Variants in ASMTL observed in about 807,000 individuals in gnomAD.
ASMTL encodes acetylserotonin O-methyltransferase like.
ASMTL carries 57 observed loss-of-function variants against 60.3 expected under a neutral mutation model. The ratio of observed to expected loss-of-function variants is 0.95; its 90% CI spans 0.76 to 1.18. ASMTL has a LOEUF of 1.18. Ranked by LOEUF, ASMTL falls within the 50% of genes most tolerant of loss-of-function variation. ASMTL has a pLI of 0.00. For missense variants in ASMTL, 981 were observed against 852.6 expected (o/e 1.15, Z -1.88); for synonymous variants, 419 against 373.0 (o/e 1.12, Z -1.42).
At chrX:1,406,021 G>C (rs1248131838) in intron 12 of ASMTL, among the ~76,000 whole-genome samples, 1 of 150,320 alleles carries the variant, frequency 6.7e-6, no homozygotes, top group Non-Finnish European at 1.5e-5. Context: ...TGATGGATGG[G>C]TGAATAGATG....
chrX:1,435,433 A>G (rs1169834433), intron 4 of ASMTL: 1 of 609,718 alleles, frequency 1.6e-6, no homozygotes, highest in Admixed American at 2.9e-5. Flanking sequence ...AGGACAGGAC[A>G]CTGCCAACTT....
chrX:1,435,268 G>T, intron 4 of ASMTL, 185 bp from the exon 5 acceptor site: 1 of 692,354 alleles, frequency 1.4e-6, no homozygotes, highest in Non-Finnish European at 2.6e-6. Flanking sequence ...CGAGGGAAGG[G>T]GTCACAAATC....
intron 9 of ASMTL, among the ~76,000 whole-genome samples, chrX:1,420,185 CTG>C (rs1232872746): frequency 3.3e-5 from 5 of 151,852 alleles, no homozygotes; most frequent in African/African-American, 1.2e-4. Flanking sequence ...CCGCCTCCCT[CTG>C]TCTCTCAAGT....
In ASMTL at chrX:1,425,740, T is replaced by C. The variant is rs752962577; in HGVS notation, c.898-53A>G. ...ATTAAGTCCCTTGTCCAGTACTTTCTACTCCCACAGACTCAAAAGATGGAG... is the reference window on the plus strand; with the variant it reads ...ATTAAGTCCCTTGTCCAGTACTTTCCACTCCCACAGACTCAAAAGATGGAG... On this transcript the variant is annotated intron_variant, in intron 7 of 12. Transcript: ENST00000381317. 2.9e-5 allele frequency: 45 copies of C among 1,573,758 alleles called. 1 individual carries two copies. In the Admixed American group the frequency reaches 5.2e-4, roughly 18 times the overall value.
At chrX:1,411,420 C>T (rs28517674) in intron 12 of ASMTL, among the ~76,000 whole-genome samples, 116,110 of 152,108 alleles carry the variant, frequency 0.76, 44,613 homozygotes, top group African/African-American at 0.79. Context: ...CAGATTCCCT[C>T]AGGGCCAGCT....
At chrX:1,425,123 C>T (rs1603451094) in intron 8 of ASMTL, among the ~76,000 whole-genome samples, 1 of 152,090 alleles carries the variant, frequency 6.6e-6, no homozygotes, top group Admixed American at 6.6e-5. Flanking sequence ...ATCTCTCTAT[C>T]GTCAATCTAT....
chrX:1,444,102 C>T (rs534686139), intron 1 of ASMTL, among the ~76,000 whole-genome samples: 64 of 152,332 alleles, frequency 4.2e-4, no homozygotes, highest in African/African-American at 1.3e-3. Context: ...ACCTCCCCTC[C>T]GACCAGAGAC....
chrX:1,448,318 GAC>G (rs1347740430), intron 1 of ASMTL, among the ~76,000 whole-genome samples: 1 of 146,936 alleles, frequency 6.8e-6, no homozygotes, highest in Non-Finnish European at 1.5e-5. Flanking sequence ...CACCATCTTG[GAC>G]ACACACCATC....
At chrX:1,421,552 G>A (rs2090484082) in intron 9 of ASMTL, 106 bp downstream of exon 9, 1 of 1,264,296 alleles carries the variant, frequency 7.9e-7, no homozygotes, top group East Asian at 2.3e-5. Flanking sequence ...TTTGGGATCT[G>A]TCAGACTGGA....
At chrX:1,452,419 A>C (rs763584096) in intron 1 of ASMTL, among the ~76,000 whole-genome samples, 74 of 138,392 alleles carry the variant, frequency 5.3e-4, no homozygotes, top group African/African-American at 2.0e-3. Context: ...TGCTGTCCCC[A>C]TCCCTAGCGG....
At chrX:1,445,616 G>T (rs193008255) in intron 1 of ASMTL, among the ~76,000 whole-genome samples, 4 of 151,968 alleles carry the variant, frequency 2.6e-5, no homozygotes, top group African/African-American at 9.6e-5. Context: ...ATTGTGGGCG[G>T]CAAGACACCC....
At chrX:1,412,191 C>T (rs1293343070) in intron 12 of ASMTL, among the ~76,000 whole-genome samples, 5 of 152,008 alleles carry the variant, frequency 3.3e-5, no homozygotes, top group Admixed American at 3.3e-4. Flanking sequence ...GCTGGACCTG[C>T]CAACCTCCAA....
intron 8 of ASMTL, among the ~76,000 whole-genome samples, chrX:1,423,713 T>A (rs2090536056): frequency 7.2e-6 from 1 of 139,560 alleles, no homozygotes; most frequent in African/African-American, 2.7e-5. Context: ...CCCACCCAGC[T>A]ACCCATCCAG....
At chrX:1,435,819 C>A in intron 3 of ASMTL, 61 bp from the exon 4 acceptor site, 1 of 1,377,870 alleles carries the variant, frequency 7.3e-7, no homozygotes, top group Non-Finnish European at 1.0e-6. Context: ...CTGTGCAAGT[C>A]CCACGGTCCC....
At chrX:1,439,417 G>A (rs1338688126) in intron 2 of ASMTL, among the ~76,000 whole-genome samples, 5 of 152,222 alleles carry the variant, frequency 3.3e-5, no homozygotes, top group African/African-American at 9.6e-5. Flanking sequence ...GGGCACTACG[G>A]GAAACGCAAT....
At chrX:1,416,147 GCA>G (rs1167623310) in intron 11 of ASMTL, among the ~76,000 whole-genome samples, 3 of 131,494 alleles carry the variant, frequency 2.3e-5, no homozygotes, top group Non-Finnish European at 3.2e-5. Flanking sequence ...GCACAGATGG[GCA>G]CACACACATG....
At chrX:1,416,614 C>CG (rs2090283310) in intron 11 of ASMTL, among the ~76,000 whole-genome samples, 1 of 134,394 alleles carries the variant, frequency 7.4e-6, no homozygotes, top group Non-Finnish European at 1.7e-5. Flanking sequence ...CACACAGACG[C>CG]ACAGAAACAC....
intron 1 of ASMTL, among the ~76,000 whole-genome samples, chrX:1,447,768 GAC>G (rs1270761027): frequency 2.7e-5 from 4 of 150,460 alleles, no homozygotes; most frequent in Non-Finnish European, 5.9e-5. Flanking sequence ...CACCATCTTG[GAC>G]ACACACCGCC....
chrX:1,420,176 C>T (rs190602057), intron 9 of ASMTL, among the ~76,000 whole-genome samples: 3,884 of 151,492 alleles, frequency 0.026, 165 homozygotes, highest in African/African-American at 0.088. Context: ...TCTCTGTCTC[C>T]GCCTCCCTCT....
Sources: gnomAD v4.1 joint callset for allele counts (sites outside exome capture counted in the v4.1 genomes callset) on GRCh38, gnomAD v4.1.1 for gene constraint, MANE v1.5 for transcripts, NCBI Gene and HGNC (gene_info 2026-07-23, HGNC 2026-07-21) for gene names.